ARCN1: variants seen among roughly 807,000 people sequenced by gnomAD.
ARCN1 encodes the protein coatomer subunit delta.
In ARCN1, 5 loss-of-function variants were observed where a neutral mutation model predicts 60.4. The observed-to-expected ratio is 0.08, with a 90% confidence interval of 0.04 to 0.17. The LOEUF (loss-of-function observed/expected upper bound fraction) is 0.17. ARCN1 is among the 10% of genes least tolerant of loss of function. The pLI is 1.00. For missense variants in ARCN1, 464 were observed against 626.5 expected (o/e 0.74, Z 2.77); for synonymous variants, 224 against 220.0 (o/e 1.02, Z -0.16).
chr11:118,595,807 C>T (rs577178747), intron 8 of ARCN1, among the ~76,000 whole-genome samples: 1 of 152,344 alleles, frequency 6.6e-6, no homozygotes, highest in South Asian at 2.1e-4. Context: ...GTGGCTCACG[C>T]CTGTAATCCC....
At chr11:118,581,620 C>A (rs1938651669) in intron 2 of ARCN1, 111 bp downstream of exon 2, 1 of 1,089,790 alleles carries the variant, frequency 9.2e-7, no homozygotes, top group Non-Finnish European at 1.3e-6. Flanking sequence ...TCCTACTCCG[C>A]ACCCCAGCGA....
rs1555077413 is a variant in ARCN1 at position 118,597,699 on chromosome 11, C to T, written c.1242-8C>T. 1.2e-6 allele frequency: 2 copies of T among 1,613,624 alleles called. No individual in the cohort carries two copies. Among genetic ancestry groups the T allele is most frequent in the South Asian group, 1.1e-5 (1 of 90,962 alleles). ...CAGCTACCTTGACCAGAATGTTTCT[C>T]ACAACAGGTCTGGTGTCGGCGCGCC... On this transcript the variant is annotated splice_region_variant and splice_polypyrimidine_tract_variant and intron_variant, in intron 8 of 9. Transcript: ENST00000264028.
chr11:118,581,760 G>A (rs187468484), intron 2 of ARCN1, among the ~76,000 whole-genome samples: 14 of 152,188 alleles, frequency 9.2e-5, no homozygotes, highest in East Asian at 7.7e-4. Flanking sequence ...CTAATCTGCC[G>A]TTCTAGTTCT....
Position 118,584,464 on chromosome 11 carries a change from A to C in ARCN1, c.654-16A>C. ...AATAAACCTTTGGGTAATGAATTTC[A>C]AATTCTTCCACTTAGGCCTTCAGGC... On this transcript the variant is annotated splice_polypyrimidine_tract_variant and intron_variant, in intron 4 of 9. Coordinates refer to ENST00000264028, the MANE Select transcript of ARCN1 (RefSeq NM_001655.5). 2 of 1,593,202 alleles carry C rather than the reference A, an allele frequency of 1.3e-6. No homozygotes were observed. The highest frequency in any genetic ancestry group is 2.3e-5 in the South Asian group (2 of 87,188).
chr11:118,572,580 G>C (rs1555072642), intron 1 of ARCN1, 30 bp downstream of exon 1: 2 of 1,601,760 alleles, frequency 1.2e-6, no homozygotes, highest in African/African-American at 2.7e-5. Context: ...CCGAACTCCT[G>C]GGGTCCGAGC....
At chr11:118,597,465 A>G (rs1267497378) in intron 8 of ARCN1, among the ~76,000 whole-genome samples, 2 of 152,346 alleles carry the variant, frequency 1.3e-5, no homozygotes, top group African/African-American at 4.8e-5. Context: ...GCCCATAGGC[A>G]TATCTGCCAA....
chr11:118,575,609 C>G (rs550630887), intron 1 of ARCN1, among the ~76,000 whole-genome samples: 1 of 152,230 alleles, frequency 6.6e-6, no homozygotes, highest in South Asian at 2.1e-4. Flanking sequence ...ACAGAACAGT[C>G]CTCCCTGACA....
At chr11:118,575,159 T>C (rs1307284486) in intron 1 of ARCN1, among the ~76,000 whole-genome samples, 1 of 152,100 alleles carries the variant, frequency 6.6e-6, no homozygotes, top group African/African-American at 2.4e-5. Flanking sequence ...TTTGTATTTT[T>C]AGTAGATACG....
chr11:118,579,118 G>A (rs1240516951), intron 1 of ARCN1, among the ~76,000 whole-genome samples: 2 of 151,894 alleles, frequency 1.3e-5, no homozygotes, highest in Non-Finnish European at 1.5e-5. Context: ...GAAAAGAAAC[G>A]AGGTTAAGAG....
chr11:118,595,508 A>C lies in ARCN1; in HGVS notation c.1241+1810A>C, dbSNP rs140383519. Among the ~76,000 whole-genome samples, 101 of 152,346 alleles carry C rather than the reference A, an allele frequency of 6.6e-4. 2 individuals are homozygous for C. In the East Asian group the frequency reaches 0.018, roughly 27 times the overall value. Reference sequence around the variant, plus strand: ...CCATAATCAAGATAACAAAAATGTCATGTCAACCCCAGAAGTTGAGTTCCA... The same window carrying C: ...CCATAATCAAGATAACAAAAATGTCCTGTCAACCCCAGAAGTTGAGTTCCA... On this transcript the variant is annotated intron_variant, in intron 8 of 9. Transcript: ENST00000264028.
intron 5 of ARCN1, among the ~76,000 whole-genome samples, chr11:118,586,490 C>G (rs1555075515): frequency 6.6e-6 from 1 of 152,078 alleles, no homozygotes; most frequent in Non-Finnish European, 1.5e-5. Context: ...TGTGCTCTTC[C>G]TAGTGGTTGC....
At position 118,601,395 on chromosome 11, in the gene ARCN1, A is replaced by G. The variant is rs1191631626; in HGVS notation, c.*681A>G. On this transcript the variant is annotated 3_prime_UTR_variant, in exon 10 of 10. Coordinates refer to ENST00000264028, the MANE Select transcript of ARCN1 (RefSeq NM_001655.5). ...ATTTTAATCCCTAAATATAATCCCT[A>G]AATATAGTTATATTTCATACTTAGT... 3 of 572,998 alleles carry G rather than the reference A, an allele frequency of 5.2e-6. No individual in the cohort carries two copies. The highest frequency in any genetic ancestry group is 9.5e-6 in the Non-Finnish European group (3 of 317,300). The allele number at this position is 572,998 out of a possible 1,614,324, so 35.5% of individuals were successfully genotyped here.
At position 118,593,705 on chromosome 11, in the gene ARCN1, G is replaced by A; in HGVS notation, c.1241+7G>A. 6.3e-7 allele frequency: 1 copy of A among 1,588,314 alleles called. No individual in the cohort carries two copies. The highest frequency in any genetic ancestry group is 8.6e-7 in the Non-Finnish European group (1 of 1,156,946). ...TTATCACCATCCCACTCCCGTAAGT[G>A]CTGTCCCTGTGTCCTCTACGGTGGA... On this transcript the variant is annotated splice_region_variant and intron_variant, in intron 8 of 9. Transcript: ENST00000264028.
intron 8 of ARCN1, among the ~76,000 whole-genome samples, chr11:118,595,781 T>C (rs1450646101): frequency 1.3e-5 from 2 of 152,144 alleles, no homozygotes; most frequent in Admixed American, 6.5e-5. Context: ...AAAATGGTAC[T>C]AATTTGCCAG....
intron 8 of ARCN1, among the ~76,000 whole-genome samples, chr11:118,596,439 C>T (rs189394162): frequency 9.9e-5 from 15 of 152,260 alleles, no homozygotes; most frequent in Admixed American, 7.2e-4. Flanking sequence ...AGAAGAGACC[C>T]TTACACAACA....
intron 9 of ARCN1, among the ~76,000 whole-genome samples, chr11:118,599,679 C>T (rs559254776): frequency 6.6e-6 from 1 of 152,212 alleles, no homozygotes; most frequent in Admixed American, 6.5e-5. Flanking sequence ...ATCCGCCCAC[C>T]TCGGCTTCCC....
At chr11:118,593,482 C>T (rs1189756903) in intron 7 of ARCN1, 108 bp from the exon 8 acceptor site, 1 of 668,398 alleles carries the variant, frequency 1.5e-6, no homozygotes, top group Non-Finnish European at 2.6e-6. Flanking sequence ...CCTCCCACCT[C>T]GATCCTACCA....
In ARCN1 at chr11:118,601,868, GTC is replaced by G; in HGVS notation, c.*1156_*1157del. ...GGATTTCACATCCACATGTAATCAT[GTC>G]TGCTGCTGTTGCTACCCAAATTTTC... On this transcript the variant is annotated 3_prime_UTR_variant, in exon 10 of 10. Transcript: ENST00000264028. The G allele has an allele frequency of 1.7e-6, 1 of 603,312 alleles. No homozygotes were observed. 37.4% of individuals were successfully genotyped at this position (603,312 alleles called of 1,614,324 possible).
At chr11:118,600,527 G>A (rs1236102143) in intron 9 of ARCN1, 98 bp from the exon 10 acceptor site, 12 of 757,812 alleles carry the variant, frequency 1.6e-5, no homozygotes, top group Non-Finnish European at 2.1e-5. Flanking sequence ...TTTTAATACC[G>A]CTTTTAGGGA....
Sources: allele counts gnomAD v4.1 joint callset (sites outside exome capture counted in the v4.1 genomes callset), GRCh38; gene constraint gnomAD v4.1.1; transcripts MANE v1.5; gene names NCBI Gene and HGNC (gene_info 2026-07-23, HGNC 2026-07-21).